NCKAP1L: variants seen among roughly 807,000 people sequenced by gnomAD.
NCKAP1L encodes NCK associated protein 1 like, also known as nck-associated protein 1-like.
A neutral mutation model predicts 139.2 loss-of-function variants in NCKAP1L; 53 were observed. The ratio of observed to expected loss-of-function variants is 0.38; its 90% CI spans 0.31 to 0.48. The LOEUF (loss-of-function observed/expected upper bound fraction) is 0.48. Among genes scored for constraint, NCKAP1L ranks in the 20% least tolerant of loss-of-function variants. NCKAP1L has a pLI of 0.98. For missense variants in NCKAP1L, 1,151 were observed against 1,381.9 expected (o/e 0.83, Z 2.65); for synonymous variants, 468 against 499.7 (o/e 0.94, Z 0.85).
At chr12:54,503,551 G>A (rs1270851085) in intron 3 of NCKAP1L, among the ~76,000 whole-genome samples, 2 of 151,500 alleles carry the variant, frequency 1.3e-5, no homozygotes, top group African/African-American at 4.8e-5. Flanking sequence ...TTGGTTAAAA[G>A]TTCAGAGTAT....
Position 54,509,883 on chromosome 12 carries a change from CTT to C in NCKAP1L, c.635_636del (p.Phe212CysfsTer8). The C allele has an allele frequency of 6.2e-7, 1 of 1,614,220 alleles. No individual in the cohort carries two copies. Among genetic ancestry groups the C allele is most frequent in the Non-Finnish European group, 8.5e-7 (1 of 1,180,026 alleles). On this transcript the variant is annotated frameshift_variant, in exon 7 of 31. Coordinates refer to ENST00000293373, the MANE Select transcript of NCKAP1L (RefSeq NM_005337.5). LOFTEE classifies it high-confidence loss of function. Reference protein sequence around the residue: ...SGALLSLHFLFVRRNQGAEQW... With the variant: ...SGALLSLHFLXVRRNQGAEQW... ...GAGCCCTCCTCTCTTTGCATTTCCT[CTT>C]TGTCCGAAGAAACCAGGGGGCTGAG...
In NCKAP1L at chr12:54,536,925, T is replaced by C. The variant is rs1957117959; in HGVS notation, c.3074-19T>C. ...TCATTTCCTCTTTTTTCTCTCCATC[T>C]ATATCAATAATAACCTAGGTTACAA... On this transcript the variant is annotated intron_variant, in intron 28 of 30. Coordinates refer to ENST00000293373, the MANE Select transcript of NCKAP1L (RefSeq NM_005337.5). The C allele has an allele frequency of 2.0e-6, 3 of 1,538,400 alleles. No individual in the cohort carries two copies. Among genetic ancestry groups the C allele is most frequent in the Non-Finnish European group, 2.7e-6 (3 of 1,113,006 alleles).
chr12:54,539,998 G>A (rs1178880374), intron 30 of NCKAP1L, among the ~76,000 whole-genome samples: 1 of 152,212 alleles, frequency 6.6e-6, no homozygotes, highest in East Asian at 1.9e-4. Flanking sequence ...GAGGGTGGGA[G>A]GAGAAGGGGG....
intron 20 of NCKAP1L, among the ~76,000 whole-genome samples, chr12:54,524,332 G>A (rs1285729058): frequency 6.6e-6 from 1 of 152,134 alleles, no homozygotes; most frequent in Non-Finnish European, 1.5e-5. Context: ...AAGGATAATG[G>A]TATTTACCTT....
At chr12:54,538,143 G>T (rs1474881049) in intron 29 of NCKAP1L, among the ~76,000 whole-genome samples, 2 of 152,176 alleles carry the variant, frequency 1.3e-5, no homozygotes, top group Non-Finnish European at 2.9e-5. Flanking sequence ...AAACACAGCG[G>T]ATCATATTGT....
chr12:54,544,392 G>A lies in NCKAP1L; in HGVS notation c.*1707G>A, dbSNP rs1390018251. 2 of 152,178 alleles carry A rather than the reference G, an allele frequency of 1.3e-5. No homozygotes were observed. The highest frequency in any genetic ancestry group is 2.9e-5 in the Non-Finnish European group (2 of 68,036). The allele number at this position is 152,178 out of a possible 1,614,324, so 9.4% of individuals were successfully genotyped here. ...GCAAGACAAGTTGCTGCAGGGGGAT[G>A]GAGGGTAGACAGAATGCCTTTTTTT... On this transcript the variant is annotated 3_prime_UTR_variant, in exon 31 of 31. Coordinates refer to ENST00000293373, the MANE Select transcript of NCKAP1L (RefSeq NM_005337.5).
chr12:54,540,478 A>G (rs779941362), intron 30 of NCKAP1L, among the ~76,000 whole-genome samples: 1 of 152,190 alleles, frequency 6.6e-6, no homozygotes, highest in Non-Finnish European at 1.5e-5. Flanking sequence ...TGGGGGCACA[A>G]TACATAGAGC....
chr12:54,523,320 AC>A, intron 18 of NCKAP1L, 73 bp from the exon 19 acceptor site: 1 of 1,521,128 alleles, frequency 6.6e-7, no homozygotes, highest in Non-Finnish European at 8.9e-7. Flanking sequence ...ATGGACAACA[AC>A]CTTTTTATAA....
intron 3 of NCKAP1L, among the ~76,000 whole-genome samples, chr12:54,501,908 C>T (rs1443961970): frequency 2.6e-5 from 4 of 152,152 alleles, no homozygotes; most frequent in Admixed American, 1.3e-4. Context: ...ATTGTTATTT[C>T]GTTTTTTTGA....
Position 54,516,260 on chromosome 12 carries a change from C to T in NCKAP1L, c.963C>T (p.Asp321=), listed in dbSNP as rs777732591. 20 of 1,613,746 alleles carry T rather than the reference C, an allele frequency of 1.2e-5. No homozygotes were observed. The Admixed American group carries it at 2.7e-4, about 22-fold the overall frequency. ...TCAGGTATGGCAAGAGAGTGGCAGA[C>T]ATAAAGGAGAGCAAGGAACATGTAA... The part of the protein sequence containing the change: ...SLKGYGKRVA[D]IKESKEHVIA... The change falls in exon 10 of 31, where the codon GAC becomes GAT. Residue 321 remains aspartate, a synonymous_variant. Transcript: ENST00000293373.
rs746286325 is a variant in NCKAP1L, at chr12:54,547,980, T to C, written c.*5295T>C. On this transcript the variant is annotated 3_prime_UTR_variant, in exon 31 of 31. Transcript: ENST00000293373. ...TGACTCTGCCATCTCTTTCTGCCTC[T>C]GTACTTTCTGGGAGCTGGTTCTGCT... 7 of 152,404 alleles carry C rather than the reference T, an allele frequency of 4.6e-5. No individual in the cohort carries two copies. Among genetic ancestry groups the C allele is most frequent in the Non-Finnish European group, 8.8e-5 (6 of 68,048 alleles). The allele number at this position is 152,404 out of a possible 1,614,324, so 9.4% of individuals were successfully genotyped here.
At chr12:54,512,718 T>C (rs1189670035) in intron 9 of NCKAP1L, among the ~76,000 whole-genome samples, 1 of 152,058 alleles carries the variant, frequency 6.6e-6, no homozygotes, top group African/African-American at 2.4e-5. Context: ...TAGAAAAACC[T>C]GGAGACAGGT....
chr12:54,541,504 G>A (rs1013960512), intron 30 of NCKAP1L, among the ~76,000 whole-genome samples: 3 of 152,196 alleles, frequency 2.0e-5, no homozygotes, highest in Admixed American at 2.0e-4. Flanking sequence ...GTCTTGCCTA[G>A]CAAGAAATTC....
In NCKAP1L at chr12:54,542,763, CA is replaced by C; in HGVS notation, c.*79del. On this transcript the variant is annotated 3_prime_UTR_variant, in exon 31 of 31. Coordinates refer to ENST00000293373, the MANE Select transcript of NCKAP1L (RefSeq NM_005337.5). ...ATAGTGGAAGCTGTGGTCACTTTCG[CA>C]GGGGGTGGGAATGGGGTGGGGTCAC... 8 of 777,604 alleles carry C rather than the reference CA, an allele frequency of 1.0e-5. No homozygotes were observed. The highest frequency in any genetic ancestry group is 1.9e-5 in the Admixed American group (1 of 51,460). 48.2% of individuals were successfully genotyped at this position (777,604 alleles called of 1,614,324 possible).
chr12:54,522,595 A>G (rs965644291), intron 18 of NCKAP1L, among the ~76,000 whole-genome samples: 1 of 152,240 alleles, frequency 6.6e-6, no homozygotes, highest in Non-Finnish European at 1.5e-5. Flanking sequence ...ATCTTTTTCC[A>G]TCAAGGTGGA....
intron 13 of NCKAP1L, 114 bp downstream of exon 13, chr12:54,518,052 C>A (rs1023208462): frequency 2.3e-6 from 3 of 1,310,044 alleles, no homozygotes; most frequent in Middle Eastern, 2.2e-4. Context: ...TCAAAAGGTC[C>A]AATCTAGGCT....
intron 18 of NCKAP1L, among the ~76,000 whole-genome samples, chr12:54,522,355 TG>T (rs1342857132): frequency 6.6e-6 from 1 of 152,218 alleles, no homozygotes; most frequent in African/African-American, 2.4e-5. Flanking sequence ...GCAAGAACAC[TG>T]GTAAAGAGAT....
chr12:54,516,713 T>C (rs539321674), intron 10 of NCKAP1L, among the ~76,000 whole-genome samples, 183 bp from the exon 11 acceptor site: 1 of 152,342 alleles, frequency 6.6e-6, no homozygotes, highest in East Asian at 1.9e-4. Context: ...CCCAACGTGC[T>C]GGAATTACAG....
In NCKAP1L at chr12:54,542,579, TGGA is replaced by T. The variant is rs761385872; in HGVS notation, c.3283_3285del (p.Glu1095del). The T allele has an allele frequency of 1.2e-6, 2 of 1,612,410 alleles. No individual in the cohort carries two copies. Among genetic ancestry groups the T allele is most frequent in the Non-Finnish European group, 1.7e-6 (2 of 1,178,424 alleles). The stretch of plus-strand genomic sequence containing the variant: ...TCTTGGCCCCATCTCTTTCAGGTGG[TGGA>T]GGAGTCATCCTTCCTGACCCTGGAC... On this transcript the variant is annotated inframe_deletion, in exon 31 of 31. Coordinates refer to ENST00000293373, the MANE Select transcript of NCKAP1L (RefSeq NM_005337.5).
Sources: gnomAD v4.1 joint callset for allele counts (sites outside exome capture counted in the v4.1 genomes callset) on GRCh38, gnomAD v4.1.1 for gene constraint, MANE v1.5 for transcripts, NCBI Gene and HGNC (gene_info 2026-07-23, HGNC 2026-07-21) for gene names.